The following BCAS3 variants were observed in gnomAD, a reference collection of about 807,000 sequenced individuals.
The protein encoded by BCAS3 is BCAS3 microtubule associated cell migration factor.
A neutral mutation model predicts 116.1 loss-of-function variants in BCAS3; 53 were observed. The ratio of observed to expected loss-of-function variants is 0.46; its 90% CI spans 0.37 to 0.57. The LOEUF is 0.57. Ranked by LOEUF, BCAS3 falls within the 20% of genes least tolerant of loss-of-function variation. The pLI is 0.00. For missense variants in BCAS3, 917 were observed against 1,165.4 expected, an observed-to-expected ratio of 0.79 and a Z score of 3.10; for synonymous variants, 391 against 408.2, an observed-to-expected ratio of 0.96 and a Z score of 0.51.
rs546234426 is a variant in BCAS3, at chr17:61,328,981, G to A, written c.2426-39346G>A. Among the ~76,000 whole-genome samples, 10 of 137,916 alleles carry A rather than the reference G, an allele frequency of 7.3e-5. No individual in the cohort carries two copies. The East Asian group carries it at 9.7e-4, about 13-fold the overall frequency. 90.5% of individuals were successfully genotyped at this position (137,916 alleles called of 152,430 possible). On this transcript the variant is annotated intron_variant, in intron 22 of 23. Coordinates refer to ENST00000407086, the MANE Select transcript of BCAS3 (RefSeq NM_017679.5). ...GCAATCTCAGCTCACCGCAACCTCC[G>A]CCTCCTGGGTTCAAGCAATTCTCCT...
rs894964814 is a variant in BCAS3 at position 61,008,487 on chromosome 17, G to A, written c.1487-7264G>A. On this transcript the variant is annotated intron_variant, in intron 15 of 23. Coordinates refer to ENST00000407086, the MANE Select transcript of BCAS3 (RefSeq NM_017679.5). This position sits in a 1 kb window ranked among gnomAD's most constrained non-coding sequence, Gnocchi z 4.6. Reference sequence around the variant, plus strand: ...ACTAAGCAGTGTTTTTAACTTTTCAGAGCCCACATTTCCAGTGACTATTTC... The same window carrying A: ...ACTAAGCAGTGTTTTTAACTTTTCAAAGCCCACATTTCCAGTGACTATTTC... Among the ~76,000 whole-genome samples the A allele has an allele frequency of 4.6e-5, 7 of 151,880 alleles. No individual in the cohort carries two copies. The highest frequency in any genetic ancestry group is 8.8e-5 in the Non-Finnish European group (6 of 67,960).
intron 5 of BCAS3, among the ~76,000 whole-genome samples, chr17:60,746,685 T>G (rs993980195): frequency 2.0e-5 from 3 of 152,174 alleles, no homozygotes; most frequent in African/African-American, 7.2e-5. Context: ...TGTGAAAGAA[T>G]ATAGGCTTAT....
Position 61,056,363 on chromosome 17 carries a change from A to G in BCAS3, c.2029+15471A>G, listed in dbSNP as rs1197268378. ...CCCATGTTATATACTGATAGAAGTC[A>G]GTAATTTACTTGAAATATGTTGGGA... is the stretch of plus-strand genomic sequence containing the variant. On this transcript the variant is annotated intron_variant, in intron 19 of 23. Coordinates refer to ENST00000407086, the MANE Select transcript of BCAS3 (RefSeq NM_017679.5). The surrounding 1 kb of genome is among the most constrained non-coding windows in gnomAD (Gnocchi z 4.9). 6.6e-6 allele frequency among the ~76,000 whole-genome samples: 1 copy of G among 152,226 alleles called. No homozygotes were observed. The highest frequency in any genetic ancestry group is 1.5e-5 in the Non-Finnish European group (1 of 68,038).
At chr17:61,108,451 T>G (rs1362382357) in intron 22 of BCAS3, among the ~76,000 whole-genome samples, 1 of 152,136 alleles carries the variant, frequency 6.6e-6, no homozygotes, top group African/African-American at 2.4e-5. Flanking sequence ...AGGGCTTAAG[T>G]CTGCCATTTT....
intron 22 of BCAS3, among the ~76,000 whole-genome samples, chr17:61,107,259 G>T (rs2074728936): frequency 6.6e-6 from 1 of 151,742 alleles, no homozygotes; most frequent in Admixed American, 6.6e-5. Context: ...GCTAATTTTT[G>T]TATTTTTAGT....
chr17:61,345,784 G>A lies in BCAS3; in HGVS notation c.2426-22543G>A, dbSNP rs1217537209. 4.6e-5 allele frequency among the ~76,000 whole-genome samples: 7 copies of A among 152,270 alleles called. No homozygotes were observed. The East Asian group carries it at 1.2e-3, about 25-fold the overall frequency. ...GGCAGTGAAGGAGTGGCACCAGGAG[G>A]AAGCCAGTAGATTGGGATGATAGGG... On this transcript the variant is annotated intron_variant, in intron 22 of 23. Coordinates refer to ENST00000407086, the MANE Select transcript of BCAS3 (RefSeq NM_017679.5).
intron 6 of BCAS3, among the ~76,000 whole-genome samples, chr17:60,763,314 A>G (rs2043734900): frequency 6.6e-6 from 1 of 152,192 alleles, no homozygotes; most frequent in Non-Finnish European, 1.5e-5. Context: ...CCCATTCAGT[A>G]TGATACTGGC....
At position 61,304,684 on chromosome 17, in the gene BCAS3, C is replaced by T. The variant is rs79601921; in HGVS notation, c.2426-63643C>T. On this transcript the variant is annotated intron_variant, in intron 22 of 23. Transcript: ENST00000407086. ...ATGTCCCTGACACAGGTAGTCACCT[C>T]CATAGTGAATTGAACATCCAACATG... Among the ~76,000 whole-genome samples the T allele has an allele frequency of 9.5e-3, 1,439 of 152,242 alleles. 28 individuals are homozygous for T. Among genetic ancestry groups the T allele is most frequent in the African/African-American group, 0.032 (1,348 of 41,534 alleles).
intron 19 of BCAS3, 92 bp downstream of exon 19, chr17:61,040,984 C>G: frequency 1.9e-6 from 2 of 1,034,674 alleles, no homozygotes; most frequent in South Asian, 2.7e-5. Context: ...TACCACTGGT[C>G]CATAGGCCAT....
At chr17:61,183,982 C>G (rs1188429215) in intron 22 of BCAS3, among the ~76,000 whole-genome samples, 1 of 152,130 alleles carries the variant, frequency 6.6e-6, no homozygotes, top group Non-Finnish European at 1.5e-5. Flanking sequence ...AAAGTACCAG[C>G]TTAAGTGTTA....
In BCAS3 at chr17:61,333,490, C is replaced by G. The variant is rs1305998516; in HGVS notation, c.2426-34837C>G. Among the ~76,000 whole-genome samples the G allele has an allele frequency of 6.6e-6, 1 of 152,224 alleles. No homozygotes were observed. The highest frequency in any genetic ancestry group is 2.4e-5 in the African/African-American group (1 of 41,458). ...CCTGTCCACTCACATTGTGGCGCCC[C>G]CGACCCTTGCCAATCCCGTGCAAAC... is the stretch of plus-strand genomic sequence containing the variant. On this transcript the variant is annotated intron_variant, in intron 22 of 23. Transcript: ENST00000407086. This position sits in a 1 kb window ranked among gnomAD's most constrained non-coding sequence, Gnocchi z 4.8.
At chr17:61,386,484 C>T (rs1261408083) in intron 23 of BCAS3, among the ~76,000 whole-genome samples, 2 of 152,250 alleles carry the variant, frequency 1.3e-5, no homozygotes, top group African/African-American at 4.8e-5. Context: ...CTCTGCCAAT[C>T]CCTTCAGTGG....
In BCAS3 at chr17:61,249,948, CA is replaced by C. The variant is rs2048248979; in HGVS notation, c.2426-118378del. Among the ~76,000 whole-genome samples the C allele has an allele frequency of 1.3e-5, 2 of 152,202 alleles. No homozygotes were observed. The highest frequency in any genetic ancestry group is 4.1e-4 in the South Asian group (2 of 4,820). ...ATCACCTGCCCCAGAGTTTACAAATCAGAAATTGAATGAGGCAGGCTTAAAG... is the reference window on the plus strand; with the variant it reads ...ATCACCTGCCCCAGAGTTTACAAATCGAAATTGAATGAGGCAGGCTTAAAG... On this transcript the variant is annotated intron_variant, in intron 22 of 23. Transcript: ENST00000407086. The surrounding 1 kb of genome is among the most constrained non-coding windows in gnomAD (Gnocchi z 6.2).
intron 6 of BCAS3, among the ~76,000 whole-genome samples, chr17:60,775,319 C>G (rs1177169451): frequency 6.6e-6 from 1 of 152,074 alleles, no homozygotes. Context: ...GAGTCTTAAA[C>G]TTTCCTTCTC....
intron 19 of BCAS3, among the ~76,000 whole-genome samples, chr17:61,064,686 T>C (rs2070428580): frequency 6.6e-6 from 1 of 152,202 alleles, no homozygotes; most frequent in Non-Finnish European, 1.5e-5. Flanking sequence ...CTTTTTCTAA[T>C]TATATATTGC....
intron 22 of BCAS3, among the ~76,000 whole-genome samples, chr17:61,183,476 T>C (rs2079592847): frequency 6.6e-6 from 1 of 152,182 alleles, no homozygotes; most frequent in Non-Finnish European, 1.5e-5. Context: ...CTAAGCATTG[T>C]ACAAAGGACT....
chr17:60,875,309 G>T (rs2055497735), intron 9 of BCAS3, among the ~76,000 whole-genome samples: 1 of 152,056 alleles, frequency 6.6e-6, no homozygotes, highest in Non-Finnish European at 1.5e-5. Flanking sequence ...TTCTGTGGGA[G>T]TATTTGGCAG....
intron 10 of BCAS3, among the ~76,000 whole-genome samples, chr17:60,898,634 A>G (rs879723271): frequency 6.6e-6 from 1 of 152,016 alleles, no homozygotes; most frequent in Non-Finnish European, 1.5e-5. Context: ...AGAGTAGTGT[A>G]CACTGGCACC....
chr17:61,222,875 A>C lies in BCAS3; in HGVS notation c.2425+138311A>C, dbSNP rs2082183536. On this transcript the variant is annotated intron_variant, in intron 22 of 23. Coordinates refer to ENST00000407086, the MANE Select transcript of BCAS3 (RefSeq NM_017679.5). The surrounding 1 kb of genome is among the most constrained non-coding windows in gnomAD (Gnocchi z 6.1). The stretch of plus-strand genomic sequence containing the variant: ...TGGGCTTGTGATTTCCTTTGCTTTC[A>C]TGTTTGCTCCCTTTCTGAAAGATGG... Among the ~76,000 whole-genome samples the C allele has an allele frequency of 6.6e-6, 1 of 151,928 alleles. No individual in the cohort carries two copies. The highest frequency in any genetic ancestry group is 2.4e-5 in the African/African-American group (1 of 41,364).
Sources: gnomAD v4.1 joint callset for allele counts (sites outside exome capture counted in the v4.1 genomes callset) on GRCh38, gnomAD v4.1.1 for gene constraint, Gnocchi (gnomAD v3.1) non-coding constraint, MANE v1.5 for transcripts, NCBI Gene and HGNC (gene_info 2026-07-23, HGNC 2026-07-21) for gene names.